Variants in DLG2 observed in about 807,000 individuals in gnomAD.
DLG2 encodes disks large homolog 2.
In DLG2, 45 loss-of-function variants were observed where a neutral mutation model predicts 132.5. The observed-to-expected ratio is 0.34, with a 90% confidence interval of 0.27 to 0.44. The LOEUF is 0.44. Among genes scored for constraint, DLG2 ranks in the 20% least tolerant of loss-of-function variants. The pLI, the probability that DLG2 is intolerant of heterozygous loss-of-function variation, is 1.00. For synonymous variants in DLG2, 424 were observed against 419.6 expected (o/e 1.01, Z -0.13); for missense variants, 1,045 against 1,196.9 (o/e 0.87, Z 1.87).
intron 7 of DLG2, among the ~76,000 whole-genome samples, chr11:84,280,267 A>G (rs2154369837): frequency 6.6e-6 from 1 of 151,854 alleles, no homozygotes; most frequent in African/African-American, 2.4e-5. Context: ...GCAATTTACG[A>G]CAAATTTTTG....
intron 16 of DLG2, among the ~76,000 whole-genome samples, chr11:83,835,265 T>G (rs1347459573): frequency 6.6e-6 from 1 of 152,126 alleles, no homozygotes; most frequent in East Asian, 1.9e-4. Context: ...TACAATCTAA[T>G]GAAGGTAGAC....
At chr11:84,206,781 G>GAAGGCATAAAATTTGGGGAAT (rs1597405216) in intron 8 of DLG2, among the ~76,000 whole-genome samples, 1 of 151,882 alleles carries the variant, frequency 6.6e-6, no homozygotes, top group East Asian at 1.9e-4. Flanking sequence ...AAAATAAATA[G>GAAGGCATAAAATTTGGGGAAT]AAGGCATAAA....
At chr11:83,786,866 A>G in intron 17 of DLG2, 74 bp from the exon 18 acceptor site, 1 of 1,291,692 alleles carries the variant, frequency 7.7e-7, no homozygotes, top group Non-Finnish European at 1.1e-6. Context: ...AAAGTTTCCC[A>G]AAACCAGGCT....
At chr11:84,455,591 A>T (rs1325393890) in intron 7 of DLG2, among the ~76,000 whole-genome samples, 1 of 151,356 alleles carries the variant, frequency 6.6e-6, no homozygotes, top group Admixed American at 6.6e-5. Context: ...AAAGTTAGAA[A>T]TCAAAGGAAA....
chr11:83,577,788 T>C (rs1593591230), intron 19 of DLG2, among the ~76,000 whole-genome samples: 1 of 127,008 alleles, frequency 7.9e-6, no homozygotes, highest in East Asian at 2.1e-4. Flanking sequence ...ATATATTATA[T>C]TTTATATATT....
chr11:83,846,425 T>C (rs1467809321), intron 16 of DLG2, among the ~76,000 whole-genome samples: 1 of 152,222 alleles, frequency 6.6e-6, no homozygotes, highest in African/African-American at 2.4e-5. Context: ...CTTCTATTTG[T>C]AAGCCTTAAG....
intron 3 of DLG2, among the ~76,000 whole-genome samples, chr11:85,581,402 C>T (rs1398609706): frequency 6.6e-6 from 1 of 151,646 alleles, no homozygotes; most frequent in Non-Finnish European, 1.5e-5. Context: ...TGCCTGCACT[C>T]AGTTGAAGAC....
intron 6 of DLG2, among the ~76,000 whole-genome samples, chr11:84,627,389 A>G (rs2154543256): frequency 6.6e-6 from 1 of 152,328 alleles, no homozygotes; most frequent in Non-Finnish European, 1.5e-5. Context: ...TTCCAATTCC[A>G]TTTCTGAACT....
chr11:85,085,491 T>C (rs955649363), intron 6 of DLG2, among the ~76,000 whole-genome samples: 1 of 152,104 alleles, frequency 6.6e-6, no homozygotes, highest in African/African-American at 2.4e-5. Flanking sequence ...CCCAATTAGA[T>C]CATGAATTTA....
chr11:83,996,669 T>C (rs1165828694), intron 11 of DLG2, among the ~76,000 whole-genome samples: 1 of 152,048 alleles, frequency 6.6e-6, no homozygotes, highest in Non-Finnish European at 1.5e-5. Flanking sequence ...TTTGCAACAA[T>C]ATGGGTGGAA....
At chr11:85,616,055 G>A (rs1399725492) in intron 2 of DLG2, among the ~76,000 whole-genome samples, 1 of 152,134 alleles carries the variant, frequency 6.6e-6, no homozygotes, top group Admixed American at 6.5e-5. Flanking sequence ...AGTTTTAACA[G>A]GAAAAATTTG....
chr11:83,790,590 G>A (rs1293624440), intron 17 of DLG2: 4 of 1,318,798 alleles, frequency 3.0e-6, no homozygotes, highest in Non-Finnish European at 4.4e-6. Context: ...TTCTGTGCCA[G>A]TAAGTCCACT....
chr11:84,133,162 G>A (rs1233726941), intron 9 of DLG2, among the ~76,000 whole-genome samples: 5 of 151,982 alleles, frequency 3.3e-5, no homozygotes, highest in Admixed American at 6.6e-5. Flanking sequence ...TCCCTCAAAT[G>A]TTTTTCTTCT....
chr11:83,596,265 CT>C (rs2057560705), intron 19 of DLG2, among the ~76,000 whole-genome samples: 1 of 152,092 alleles, frequency 6.6e-6, no homozygotes, highest in Non-Finnish European at 1.5e-5. Context: ...AATAATTTTC[CT>C]CCCATAACAC....
chr11:84,819,207 G>A (rs564917145), intron 6 of DLG2, among the ~76,000 whole-genome samples: 28 of 151,920 alleles, frequency 1.8e-4, no homozygotes, highest in African/African-American at 6.3e-4. Flanking sequence ...TAGAAAGTAT[G>A]TGGTATTTAA....
At chr11:83,984,231 T>A (rs992871079) in intron 11 of DLG2, among the ~76,000 whole-genome samples, 1 of 119,918 alleles carries the variant, frequency 8.3e-6, no homozygotes, top group African/African-American at 2.9e-5. Flanking sequence ...GATAGATAGA[T>A]AGATAAAAAT....
intron 6 of DLG2, among the ~76,000 whole-genome samples, chr11:84,864,174 C>T (rs17808696): frequency 0.26 from 38,969 of 152,044 alleles, 5,445 homozygotes; most frequent in Non-Finnish European, 0.3. Flanking sequence ...GTACACAGTA[C>T]GTTAAAAAGA....
intron 3 of DLG2, among the ~76,000 whole-genome samples, chr11:85,308,080 G>GGA (rs1435087583): frequency 6.6e-6 from 1 of 151,874 alleles, no homozygotes; most frequent in African/African-American, 2.4e-5. Flanking sequence ...CTTGATCCCA[G>GGA]GAGGCAGAGG....
chr11:83,698,683 T>A (rs1033054590), intron 18 of DLG2, among the ~76,000 whole-genome samples: 7 of 152,228 alleles, frequency 4.6e-5, no homozygotes, highest in Admixed American at 3.9e-4. Flanking sequence ...AAGAATTTCA[T>A]GAGATGATAA....
Sources: allele counts gnomAD v4.1 joint callset (sites outside exome capture counted in the v4.1 genomes callset), GRCh38; gene constraint gnomAD v4.1.1; transcripts MANE v1.5; gene names NCBI Gene and HGNC (gene_info 2026-07-23, HGNC 2026-07-21).